Variants in GPHN observed in about 807,000 individuals in gnomAD.
The protein encoded by GPHN is gephyrin.
In GPHN, 17 loss-of-function variants were observed where a neutral mutation model predicts 95.5. The ratio of observed to expected loss-of-function variants is 0.18; its 90% CI spans 0.12 to 0.27. The LOEUF (loss-of-function observed/expected upper bound fraction) is 0.27. GPHN is among the 10% of genes least tolerant of loss of function. The pLI, the probability that GPHN is intolerant of heterozygous loss-of-function variation, is 1.00. For missense variants in GPHN, 660 were observed against 978.1 expected, an observed-to-expected ratio of 0.67 and a Z score of 4.34; for synonymous variants, 320 against 322.5, an observed-to-expected ratio of 0.99 and a Z score of 0.08.
intron 2 of GPHN, among the ~76,000 whole-genome samples, chr14:66,762,531 A>G (rs1174206325): frequency 6.8e-6 from 1 of 147,542 alleles, no homozygotes; most frequent in Non-Finnish European, 1.5e-5. Flanking sequence ...TAAGAAATAT[A>G]TGGATTTGCA....
chr14:67,522,173 A>G, the GPHN span, among the ~76,000 whole-genome samples: 1 of 152,282 alleles, frequency 6.6e-6, no homozygotes, highest in South Asian at 2.1e-4. Flanking sequence ...ACTCCGTCTC[A>G]AAACAAAACA....
At chr14:67,086,495 C>CA (rs2076890424) in intron 11 of GPHN, among the ~76,000 whole-genome samples, 4 of 150,774 alleles carry the variant, frequency 2.7e-5, no homozygotes, top group South Asian at 2.1e-4. Flanking sequence ...ACTAAAAATA[C>CA]AAAAAATTAG....
At position 66,961,900 on chromosome 14, in the gene GPHN, GTATATATATATATATATATATATATA is replaced by G. The variant is rs767734322; in HGVS notation, c.829-3268_829-3243del. Among the ~76,000 whole-genome samples, 352 of 53,010 alleles carry G rather than the reference GTATATATATATATATATATATATATA, an allele frequency of 6.6e-3. 14 individuals carry two copies. The highest frequency in any genetic ancestry group is 0.017 in the Admixed American group (78 of 4,626). 34.8% of individuals were successfully genotyped at this position (53,010 alleles called of 152,430 possible). A position where few individuals can be genotyped will look rare whatever the true frequency, so the allele number is the denominator to read the frequency against. On this transcript the variant is annotated intron_variant, in intron 8 of 22. Transcript: ENST00000478722. ...AACCAACCATTCTATCCCTGAATGT[GTATATATATATATATATATATATATA>G]TATATATATATATATATATATACAC...
the GPHN span, among the ~76,000 whole-genome samples, chr14:67,408,125 A>G: frequency 6.6e-6 from 1 of 151,956 alleles, no homozygotes; most frequent in Non-Finnish European, 1.5e-5. Context: ...CGTCTCTACT[A>G]AAAATACAAA....
chr14:66,702,031 G>T (rs1248649483), intron 2 of GPHN, among the ~76,000 whole-genome samples: 1 of 152,172 alleles, frequency 6.6e-6, no homozygotes, highest in African/African-American at 2.4e-5. Context: ...GGCAGACTGC[G>T]GCCACAGTGC....
the GPHN span, chr14:67,588,326 G>A: frequency 6.6e-6 from 1 of 152,528 alleles, no homozygotes; most frequent in African/African-American, 2.4e-5. Context: ...TCTGCTTTTT[G>A]CTGCTGTAAG....
intron 1 of GPHN, among the ~76,000 whole-genome samples, chr14:66,658,902 A>T (rs2065467116): frequency 6.7e-6 from 1 of 149,886 alleles, no homozygotes; most frequent in African/African-American, 2.5e-5. Flanking sequence ...TTTAAGATCC[A>T]GCTTTTTGTT....
chr14:66,533,620 A>G (rs1198792666), intron 1 of GPHN, among the ~76,000 whole-genome samples: 1 of 152,222 alleles, frequency 6.6e-6, no homozygotes, highest in Non-Finnish European at 1.5e-5. Context: ...TCCTTAGAAA[A>G]GAAAGGGAAG....
chr14:67,056,504 G>T (rs2075575555), intron 10 of GPHN, among the ~76,000 whole-genome samples: 1 of 151,978 alleles, frequency 6.6e-6, no homozygotes, highest in African/African-American at 2.4e-5. Flanking sequence ...AGACATAAAA[G>T]TTCTCTAAGT....
the GPHN span, chr14:67,573,346 T>C: frequency 6.2e-7 from 1 of 1,613,694 alleles, no homozygotes; most frequent in Non-Finnish European, 8.5e-7. This position sits in a 1 kb window ranked among gnomAD's most constrained non-coding sequence, Gnocchi z 4.8. Context: ...AGGCGCTGGT[T>C]TGTCCTGAGA....
intron 6 of GPHN, among the ~76,000 whole-genome samples, chr14:66,920,568 C>T (rs1205921144): frequency 1.3e-5 from 2 of 150,670 alleles, no homozygotes; most frequent in African/African-American, 4.9e-5. Context: ...CTGATTCTGA[C>T]CATCCATGCC....
the GPHN span, among the ~76,000 whole-genome samples, chr14:67,561,689 G>T: frequency 6.6e-6 from 1 of 151,902 alleles, no homozygotes; most frequent in African/African-American, 2.4e-5. Flanking sequence ...GCAACATAGC[G>T]AGAGCTTGTC....
At chr14:66,871,625 T>C (rs1054809120) in intron 4 of GPHN, among the ~76,000 whole-genome samples, 6 of 152,112 alleles carry the variant, frequency 3.9e-5, no homozygotes, top group Non-Finnish European at 7.4e-5. Context: ...GATTGGATAA[T>C]GACATGGATG....
chr14:67,512,623 C>T, the GPHN span, among the ~76,000 whole-genome samples: 11 of 152,186 alleles, frequency 7.2e-5, no homozygotes, highest in Non-Finnish European at 1.5e-5. Context: ...TCAAGGACAG[C>T]CAGATCTGAT....
chr14:66,571,920 G>A (rs2060710258), intron 1 of GPHN, among the ~76,000 whole-genome samples: 3 of 152,206 alleles, frequency 2.0e-5, no homozygotes, highest in Admixed American at 6.5e-5. Context: ...GTATATTTGA[G>A]TCCTTAAGCC....
intron 1 of GPHN, among the ~76,000 whole-genome samples, chr14:66,512,206 A>G (rs1353779508): frequency 6.6e-6 from 1 of 151,832 alleles, no homozygotes; most frequent in Non-Finnish European, 1.5e-5. Context: ...CTTGAAGTCA[A>G]TCTTACCAGT....
chr14:67,010,074 A>G (rs768087591), intron 9 of GPHN, among the ~76,000 whole-genome samples: 11 of 152,040 alleles, frequency 7.2e-5, no homozygotes, highest in Non-Finnish European at 1.2e-4. Flanking sequence ...TTTCTTTTAG[A>G]TAACTTTTGT....
chr14:67,721,029 C>T, the GPHN span: 2 of 152,236 alleles, frequency 1.3e-5, no homozygotes, highest in Admixed American at 6.5e-5. Flanking sequence ...GAAACTGTGT[C>T]TTCCTAGTAT....
At chr14:67,135,822 A>G (rs1004297057) in intron 17 of GPHN, among the ~76,000 whole-genome samples, 5 of 151,424 alleles carry the variant, frequency 3.3e-5, no homozygotes, top group Admixed American at 2.6e-4. Flanking sequence ...TGGAATTCCT[A>G]TTGGTAGTAT....
Sources: gnomAD v4.1 joint callset for allele counts (sites outside exome capture counted in the v4.1 genomes callset) on GRCh38, gnomAD v4.1.1 for gene constraint, Gnocchi (gnomAD v3.1) non-coding constraint, MANE v1.5 for transcripts, NCBI Gene and HGNC (gene_info 2026-07-23, HGNC 2026-07-21) for gene names.